The following LRIG3 variants were observed in gnomAD, a reference collection of about 807,000 sequenced individuals.
The protein encoded by LRIG3 is leucine-rich repeats and immunoglobulin-like domains protein 3.
A neutral mutation model predicts 114.5 loss-of-function variants in LRIG3; 76 were observed. That is an observed-to-expected ratio of 0.66 (90% CI 0.55 to 0.80). The LOEUF (loss-of-function observed/expected upper bound fraction) is 0.80, where lower values mean the gene tolerates loss of function less well. LRIG3 is among the 30% of genes least tolerant of loss of function. LRIG3 has a pLI of 0.00. For missense variants in LRIG3, 1,239 were observed against 1,382.8 expected (o/e 0.90, Z 1.65); for synonymous variants, 512 against 519.8 (o/e 0.98, Z 0.20).
At chr12:58,873,799 T>C (rs1870815027) in intron 18 of LRIG3, 1 of 534,194 alleles carries the variant, frequency 1.9e-6, no homozygotes, top group African/African-American at 1.9e-5. Flanking sequence ...CAAACCCTTG[T>C]CTTGGAGTAG....
At chr12:58,889,947 A>G in intron 5 of LRIG3, 49 bp downstream of exon 5, 1 of 1,585,032 alleles carries the variant, frequency 6.3e-7, no homozygotes, top group Non-Finnish European at 8.6e-7. Flanking sequence ...AAAGACACCA[A>G]GGGTTTGGAG....
intron 14 of LRIG3, among the ~76,000 whole-genome samples, 168 bp downstream of exon 14, chr12:58,878,654 CCT>C (rs1349444245): frequency 6.6e-6 from 1 of 152,102 alleles, no homozygotes; most frequent in African/African-American, 2.4e-5. Context: ...TCATGCAATC[CCT>C]GACTTCAAAG....
At chr12:58,890,596 A>G (rs1347594879) in intron 4 of LRIG3, 69 bp downstream of exon 4, 3 of 1,422,344 alleles carry the variant, frequency 2.1e-6, no homozygotes, top group Non-Finnish European at 1.9e-6. Context: ...AAAGTTTGTT[A>G]TATCTTATTT....
chr12:58,875,321 C>G (rs1000219930), intron 16 of LRIG3, among the ~76,000 whole-genome samples: 2 of 151,564 alleles, frequency 1.3e-5, no homozygotes, highest in Non-Finnish European at 2.9e-5. Context: ...TGCCTCTAAA[C>G]GGGTCTAACC....
chr12:58,883,836 T>G (rs564962236), intron 10 of LRIG3, among the ~76,000 whole-genome samples: 1 of 152,344 alleles, frequency 6.6e-6, no homozygotes, highest in South Asian at 2.1e-4. Context: ...CACTTAAAGA[T>G]TATTTGACTC....
intron 18 of LRIG3, among the ~76,000 whole-genome samples, chr12:58,873,303 ATTATT>A (rs1426199263): frequency 2.0e-5 from 3 of 152,224 alleles, no homozygotes; most frequent in African/African-American, 7.2e-5. Context: ...TACAAAGCAT[ATTATT>A]TTAATTTTTT....
intron 11 of LRIG3, 92 bp from the exon 12 acceptor site, chr12:58,883,124 A>C: frequency 7.8e-7 from 1 of 1,287,318 alleles, no homozygotes; most frequent in South Asian, 1.5e-5. Context: ...AAAGCAATGA[A>C]TTTGGAAACT....
In LRIG3 at chr12:58,872,422, C is replaced by A; in HGVS notation, c.*150G>T. On this transcript the variant is annotated 3_prime_UTR_variant, in exon 19 of 19. Transcript: ENST00000320743. ...ATTCCCAGTATAAAAATTTTCATAA[C>A]TTTTTGTAATTTTGGTTCATCTGTA... 1 of 817,736 alleles carries A rather than the reference C, an allele frequency of 1.2e-6. No homozygotes were observed. The allele number at this position is 817,736 out of a possible 1,614,324, so 50.7% of individuals were successfully genotyped here. A position where few individuals can be genotyped will look rare whatever the true frequency, so the allele number is the denominator to read the frequency against.
rs764788802 is a variant in LRIG3 at position 58,888,867 on chromosome 12, G to A, written c.755C>T (p.Thr252Met). The change falls in exon 6 of 19, where the codon ACG becomes ATG. Residue 252 changes from threonine (T) to methionine (M), a missense_variant. By Grantham distance (81) the Thr-to-Met change is moderately conservative. Coordinates refer to ENST00000320743, the MANE Select transcript of LRIG3 (RefSeq NM_153377.5). ...CCAAAAAGCTCCATCCATAAGTTTC[G>A]TTACTCCATTTCTTTGCATTTTCAG... ...KSLKMQRNGV[T>M]KLMDGAFWGL... 7 of 1,613,742 alleles carry A rather than the reference G, an allele frequency of 4.3e-6. No homozygotes were observed. The highest frequency in any genetic ancestry group is 5.9e-6 in the Non-Finnish European group (7 of 1,179,830).
At chr12:58,915,736 CCAGA>C (rs202234688) in intron 1 of LRIG3, among the ~76,000 whole-genome samples, 2,191 of 152,284 alleles carry the variant, frequency 0.014, 22 homozygotes, top group Middle Eastern at 0.024. Flanking sequence ...CTGGCTGGAG[CCAGA>C]CACTTTCCCT....
At chr12:58,919,258 C>G (rs1004641943) in intron 1 of LRIG3, among the ~76,000 whole-genome samples, 1 of 152,204 alleles carries the variant, frequency 6.6e-6, no homozygotes, top group Non-Finnish European at 1.5e-5. Flanking sequence ...TCAGACTTCG[C>G]AGCTAAAAAT....
intron 9 of LRIG3, among the ~76,000 whole-genome samples, chr12:58,886,567 G>A (rs1871282768): frequency 6.6e-6 from 1 of 152,070 alleles, no homozygotes; most frequent in South Asian, 2.1e-4. Flanking sequence ...AAATTATTAT[G>A]AGGATATTAA....
chr12:58,885,338 T>C (rs1224028928), intron 10 of LRIG3, among the ~76,000 whole-genome samples: 2 of 152,196 alleles, frequency 1.3e-5, no homozygotes, highest in African/African-American at 2.4e-5. Context: ...TTGTGGAACA[T>C]TGTCTTTGTT....
At chr12:58,891,731 G>A (rs1871462601) in intron 3 of LRIG3, among the ~76,000 whole-genome samples, 1 of 152,062 alleles carries the variant, frequency 6.6e-6, no homozygotes, top group Admixed American at 6.6e-5. Context: ...TATTACATAA[G>A]AAGAACACTC....
chr12:58,881,022 T>C, intron 12 of LRIG3, 121 bp from the exon 13 acceptor site: 2 of 896,300 alleles, frequency 2.2e-6, no homozygotes, highest in South Asian at 3.4e-5. Context: ...TTGTGTATGT[T>C]TTCCAGATGG....
chr12:58,873,015 T>TC (rs1281008104), intron 18 of LRIG3, among the ~76,000 whole-genome samples, 199 bp from the exon 19 acceptor site: 1 of 152,228 alleles, frequency 6.6e-6, no homozygotes, highest in Non-Finnish European at 1.5e-5. Context: ...ACATTTGCCT[T>TC]CCCTCATATT....
At chr12:58,890,524 G>A (rs1249506374) in intron 4 of LRIG3, 141 bp downstream of exon 4, 4 of 739,890 alleles carry the variant, frequency 5.4e-6, no homozygotes, top group Non-Finnish European at 8.0e-6. Flanking sequence ...GTGGTCATTC[G>A]AGCTTACAGC....
Position 58,874,535 on chromosome 12 carries a change from C to A in LRIG3, c.2734G>T (p.Glu912Ter). 6.2e-7 allele frequency: 1 copy of A among 1,614,200 alleles called. No homozygotes were observed. Among genetic ancestry groups the A allele is most frequent in the Non-Finnish European group, 8.5e-7 (1 of 1,180,034 alleles). Residue 912 changes from glutamate (E) to a stop codon, truncating the protein, a stop_gained, in exon 17 of 19, where the codon GAA becomes TAA. Coordinates refer to ENST00000320743, the MANE Select transcript of LRIG3 (RefSeq NM_153377.5). LOFTEE classifies it high-confidence loss of function. ...HIDNSSEADV[E>*]AATDLFLCPF... The stretch of plus-strand genomic sequence containing the variant: ...CAAAGGAACAGATCTGTGGCAGCTT[C>A]CACATCAGCTTCACTGCTATTGTCA...
chr12:58,887,819 G>T lies in LRIG3; in HGVS notation c.1061C>A (p.Ala354Asp). The T allele has an allele frequency of 6.2e-7, 1 of 1,613,718 alleles. No homozygotes were observed. The highest frequency in any genetic ancestry group is 8.5e-7 in the Non-Finnish European group (1 of 1,179,750). Residue 354 changes from alanine (A) to aspartate (D), a missense_variant, in exon 8 of 19, where the codon GCC becomes GAC. By Grantham distance (126) the Ala-to-Asp change is moderately radical. Coordinates refer to ENST00000320743, the MANE Select transcript of LRIG3 (RefSeq NM_153377.5). ...NNRVSYIADC[A>D]FRGLSSLKTL... is the part of the protein sequence containing the mutation. ...CTTTAAACTGGAAAGCCCCCGGAAG[G>T]CACAATCAGCAATGTAGCTGACTCT... is the stretch of plus-strand genomic sequence containing the variant.
Sources: gnomAD v4.1 joint callset for allele counts (sites outside exome capture counted in the v4.1 genomes callset) on GRCh38, gnomAD v4.1.1 for gene constraint, MANE v1.5 for transcripts, NCBI Gene and HGNC (gene_info 2026-07-23, HGNC 2026-07-21) for gene names.